The following SSH2 variants were observed in gnomAD, a reference collection of about 807,000 sequenced individuals.
The protein encoded by SSH2 is slingshot protein phosphatase 2, also known as protein phosphatase Slingshot homolog 2.
Under a neutral mutation model 135.2 loss-of-function variants are expected in SSH2, and 37 were observed. The ratio of observed to expected loss-of-function variants is 0.27; its 90% CI spans 0.21 to 0.36. SSH2 has a LOEUF of 0.36. Ranked by LOEUF, SSH2 falls within the 10% of genes least tolerant of loss-of-function variation. SSH2 has a pLI of 1.00. For synonymous variants in SSH2, 628 were observed against 646.2 expected (o/e 0.97, Z 0.43); for missense variants, 1,408 against 1,765.3 (o/e 0.80, Z 3.63).
Position 29,629,363 on chromosome 17 carries a change from T to C in SSH2, c.*1478A>G, listed in dbSNP as rs1008398475. On this transcript the variant is annotated 3_prime_UTR_variant, in exon 16 of 16. Transcript: ENST00000540801. ...GATACTGGCAAACAATGTTCTGGGA[T>C]TTCAGTCTCACAGAGAAATCAGCTT... The C allele has an allele frequency of 5.9e-5, 9 of 152,662 alleles. No homozygotes were observed. The highest frequency in any genetic ancestry group is 1.9e-4 in the African/African-American group (8 of 41,468). 9.5% of individuals were successfully genotyped at this position (152,662 alleles called of 1,614,324 possible). A position where few individuals can be genotyped will look rare whatever the true frequency, so the allele number is the denominator to read the frequency against.
At chr17:29,745,180 AAC>A (rs1369812799) in intron 3 of SSH2, among the ~76,000 whole-genome samples, 1 of 149,452 alleles carries the variant, frequency 6.7e-6, no homozygotes, top group Non-Finnish European at 1.5e-5. Flanking sequence ...TTTTTTTTGA[AAC>A]AGAGTCTTTT....
chr17:29,833,665 TTC>T (rs1313385392), intron 2 of SSH2, among the ~76,000 whole-genome samples: 2 of 149,640 alleles, frequency 1.3e-5, no homozygotes, highest in Admixed American at 1.3e-4. Context: ...CCTTCCTTCC[TTC>T]CTTCTTTCCT....
intron 3 of SSH2, among the ~76,000 whole-genome samples, 187 bp from the exon 4 acceptor site, chr17:29,703,249 G>C (rs3115087): frequency 0.42 from 63,933 of 151,988 alleles, 15,233 homozygotes; most frequent in East Asian, 0.69. Context: ...AGACAAGTTT[G>C]CTTTCTTTTT....
chr17:29,756,444 G>C lies in SSH2; in HGVS notation c.188+37450C>G, dbSNP rs558143246. Reference sequence around the variant, plus strand: ...AACCACTACACCTGCCTGCCTGCCTGCCTGCCTATCTGTCTATCTATCCAT... The same window carrying C: ...AACCACTACACCTGCCTGCCTGCCTCCCTGCCTATCTGTCTATCTATCCAT... On this transcript the variant is annotated intron_variant, in intron 3 of 15. Transcript: ENST00000540801. Among the ~76,000 whole-genome samples the C allele has an allele frequency of 2.2e-4, 32 of 148,132 alleles. No individual in the cohort carries two copies. In the South Asian group the frequency reaches 6.7e-3, roughly 31 times the overall value.
chr17:29,744,113 G>T (rs537063431), intron 3 of SSH2, among the ~76,000 whole-genome samples: 58 of 152,086 alleles, frequency 3.8e-4, no homozygotes, highest in Non-Finnish European at 5.6e-4. Context: ...AAGGGCAGTG[G>T]GAATGTTTCT....
At chr17:29,657,373 G>T (rs2036826353) in intron 11 of SSH2, among the ~76,000 whole-genome samples, 1 of 151,626 alleles carries the variant, frequency 6.6e-6, no homozygotes, top group African/African-American at 2.4e-5. Flanking sequence ...GGGTTCAAGC[G>T]ATTCTCCTGC....
chr17:29,873,675 G>C (rs1196977684), intron 1 of SSH2, among the ~76,000 whole-genome samples: 3 of 152,110 alleles, frequency 2.0e-5, no homozygotes, highest in African/African-American at 7.2e-5. Context: ...ACCTACCAAG[G>C]CAAACATCAA....
chr17:29,716,402 C>T, intron 3 of SSH2: 1 of 576,838 alleles, frequency 1.7e-6, no homozygotes, highest in East Asian at 3.7e-5. Context: ...AATTAGAGTG[C>T]TTAATGTGCT....
intron 2 of SSH2, among the ~76,000 whole-genome samples, chr17:29,815,909 C>T (rs1439957229): frequency 6.6e-5 from 10 of 152,030 alleles, no homozygotes; most frequent in African/African-American, 2.2e-4. Context: ...AGTGCACTGG[C>T]GTGATCTCGG....
At chr17:29,749,950 C>T (rs2040876441) in intron 3 of SSH2, among the ~76,000 whole-genome samples, 2 of 151,866 alleles carry the variant, frequency 1.3e-5, no homozygotes, top group Admixed American at 1.3e-4. Context: ...TTGTCTCAAA[C>T]TTGAGGCTAG....
chr17:29,765,755 T>G (rs1350123783), intron 3 of SSH2, among the ~76,000 whole-genome samples: 1 of 152,002 alleles, frequency 6.6e-6, no homozygotes, highest in Non-Finnish European at 1.5e-5. Context: ...CATGGTGGCT[T>G]ATGCCTGTAA....
At chr17:29,855,702 C>T (rs1257625397) in intron 1 of SSH2, 2 of 155,264 alleles carry the variant, frequency 1.3e-5, no homozygotes, top group South Asian at 2.0e-4. Context: ...AAAGTCTTTG[C>T]TCAAATTATA....
At chr17:29,876,343 T>A (rs2066030439) in intron 1 of SSH2, among the ~76,000 whole-genome samples, 1 of 152,026 alleles carries the variant, frequency 6.6e-6, no homozygotes, top group Non-Finnish European at 1.5e-5. Flanking sequence ...AATCCACACA[T>A]CTATAGTGAA....
chr17:29,853,599 C>T (rs747269606), intron 1 of SSH2, among the ~76,000 whole-genome samples: 61 of 151,872 alleles, frequency 4.0e-4, no homozygotes, highest in Non-Finnish European at 8.1e-4. Context: ...AAGTCAAACT[C>T]ATATTCTTGC....
chr17:29,858,704 T>C (rs2065707997), intron 1 of SSH2, among the ~76,000 whole-genome samples: 1 of 151,942 alleles, frequency 6.6e-6, no homozygotes, highest in South Asian at 2.1e-4. Context: ...CATAGCAAGA[T>C]GCCATCTCTA....
At chr17:29,824,970 T>C (rs1256387647) in intron 2 of SSH2, among the ~76,000 whole-genome samples, 1 of 152,172 alleles carries the variant, frequency 6.6e-6, no homozygotes, top group African/African-American at 2.4e-5. Flanking sequence ...CATTGCCTTA[T>C]AGGGAGGGCC....
intron 1 of SSH2, among the ~76,000 whole-genome samples, chr17:29,882,065 G>A (rs903198657): frequency 1.3e-5 from 2 of 152,176 alleles, no homozygotes; most frequent in Non-Finnish European, 2.9e-5. Context: ...GAGATACAAA[G>A]ATTGATACAT....
intron 2 of SSH2, among the ~76,000 whole-genome samples, chr17:29,805,609 A>G (rs1383541635): frequency 6.6e-6 from 1 of 152,180 alleles, no homozygotes; most frequent in East Asian, 1.9e-4. Flanking sequence ...AAATCAGCAA[A>G]TGCCACACAT....
chr17:29,678,643 A>C (rs1486035866), intron 6 of SSH2, among the ~76,000 whole-genome samples: 5 of 152,160 alleles, frequency 3.3e-5, no homozygotes, highest in African/African-American at 1.2e-4. Context: ...GCACTGCTGA[A>C]ACACAGTTAA....
Sources: allele counts gnomAD v4.1 joint callset (sites outside exome capture counted in the v4.1 genomes callset), GRCh38; gene constraint gnomAD v4.1.1; transcripts MANE v1.5; gene names NCBI Gene and HGNC (gene_info 2026-07-23, HGNC 2026-07-21).